Variants in TIAM2 observed in about 807,000 individuals in gnomAD.
The protein encoded by TIAM2 is TIAM Rac1 associated GEF 2.
Under a neutral mutation model 152.9 loss-of-function variants are expected in TIAM2, and 80 were observed. That is an observed-to-expected ratio of 0.52 (90% CI 0.44 to 0.63). The LOEUF is 0.63. Among genes scored for constraint, TIAM2 ranks in the 30% least tolerant of loss-of-function variants. The probability of loss-of-function intolerance (pLI) is 0.00; values close to 1 mark genes in which losing one functional copy is unlikely to be tolerated. For synonymous variants in TIAM2, 804 were observed against 838.0 expected (o/e 0.96, Z 0.70); for missense variants, 1,965 against 2,120.1 (o/e 0.93, Z 1.44).
chr6:155,125,769 C>T (rs902942124), intron 2 of TIAM2, among the ~76,000 whole-genome samples: 1 of 151,420 alleles, frequency 6.6e-6, no homozygotes, highest in Non-Finnish European at 1.5e-5. Flanking sequence ...ACCTGGGAGG[C>T]GGAGGTTGCA....
At chr6:155,081,844 C>G (rs561063047) in intron 1 of TIAM2, among the ~76,000 whole-genome samples, 61 of 152,294 alleles carry the variant, frequency 4.0e-4, no homozygotes, top group African/African-American at 1.3e-3. Context: ...GCACTTGAAT[C>G]CCTCTTGTAG....
chr6:155,112,469 T>C (rs926607181), intron 2 of TIAM2, among the ~76,000 whole-genome samples: 1 of 152,070 alleles, frequency 6.6e-6, no homozygotes, highest in Non-Finnish European at 1.5e-5. Context: ...GCCCCTTCTG[T>C]CTCCATTATG....
intron 4 of TIAM2, among the ~76,000 whole-genome samples, chr6:155,136,464 G>A (rs974550954): frequency 2.6e-5 from 4 of 151,736 alleles, no homozygotes; most frequent in Non-Finnish European, 4.4e-5. Context: ...TAGTAGAGAC[G>A]GGTTTCACCA....
At chr6:155,106,430 A>C (rs1778691666) in intron 2 of TIAM2, among the ~76,000 whole-genome samples, 1 of 152,236 alleles carries the variant, frequency 6.6e-6, no homozygotes, top group African/African-American at 2.4e-5. Flanking sequence ...TTTAATAAAA[A>C]AGCACCACGT....
chr6:155,087,703 C>T (rs771000081), intron 1 of TIAM2, among the ~76,000 whole-genome samples: 10 of 151,930 alleles, frequency 6.6e-5, no homozygotes, highest in Admixed American at 4.6e-4. Flanking sequence ...GAGCTGAGAT[C>T]GCGCCATTAC....
chr6:155,008,259 T>G (rs1778430929), intron 1 of TIAM2, among the ~76,000 whole-genome samples: 1 of 152,252 alleles, frequency 6.6e-6, no homozygotes, highest in Non-Finnish European at 1.5e-5. Context: ...TTTGGCATTC[T>G]TAAAATTTGC....
intron 5 of TIAM2, among the ~76,000 whole-genome samples, chr6:155,140,571 TGTGAGAGA>T (rs1353003568): frequency 7.2e-5 from 8 of 110,724 alleles, no homozygotes; most frequent in African/African-American, 3.3e-4. Flanking sequence ...TGTGTGTGTG[TGTGAGAGA>T]GAGAGAGAGA....
chr6:155,251,722 G>C, intron 22 of TIAM2, among the ~76,000 whole-genome samples: 1 of 152,214 alleles, frequency 6.6e-6, no homozygotes, highest in Non-Finnish European at 1.5e-5. Flanking sequence ...GTTTAAAAAA[G>C]CCAAGATCAA....
Position 155,049,953 on chromosome 6 carries a change from G to A in TIAM2, c.-208-40336G>A, listed in dbSNP as rs1777282340. Reference sequence around the variant, plus strand: ...GGCAGTAGGACTTTTGCAGCTCACCGCTTACCTTCTCTCTGAAAGTTGAGA... The same window carrying A: ...GGCAGTAGGACTTTTGCAGCTCACCACTTACCTTCTCTCTGAAAGTTGAGA... On this transcript the variant is annotated intron_variant, in intron 1 of 26. Transcript: ENST00000682666. Among the ~76,000 whole-genome samples, 3 of 152,224 alleles carry A rather than the reference G, an allele frequency of 2.0e-5. No homozygotes were observed. In the South Asian group the frequency reaches 6.2e-4, roughly 32 times the overall value.
chr6:155,127,230 C>T (rs761686469), intron 2 of TIAM2, among the ~76,000 whole-genome samples: 5 of 152,118 alleles, frequency 3.3e-5, no homozygotes, highest in Non-Finnish European at 5.9e-5. Context: ...CTCACTGGAG[C>T]GGTCTCCCCT....
intron 2 of TIAM2, among the ~76,000 whole-genome samples, chr6:155,106,151 T>C (rs2114999946): frequency 6.6e-6 from 1 of 151,928 alleles, no homozygotes; most frequent in East Asian, 1.9e-4. Flanking sequence ...ATTACAGGCG[T>C]GTATCACCAC....
intron 2 of TIAM2, among the ~76,000 whole-genome samples, chr6:155,102,602 TTC>T (rs1371634863): frequency 6.6e-6 from 1 of 152,194 alleles, no homozygotes; most frequent in African/African-American, 2.4e-5. Flanking sequence ...TCTCCAGCTC[TTC>T]TCTGGATAGG....
In TIAM2 at chr6:155,159,082, A is replaced by G. The variant is rs137915388; in HGVS notation, c.2029-5333A>G. Among the ~76,000 whole-genome samples the G allele has an allele frequency of 9.2e-5, 14 of 152,270 alleles. 1 individual carries two copies. The highest frequency in any genetic ancestry group is 3.9e-4 in the East Asian group (2 of 5,190). On this transcript the variant is annotated intron_variant, in intron 7 of 26. Coordinates refer to ENST00000682666, the MANE Select transcript of TIAM2 (RefSeq NM_012454.4). ...CTTTTTTTCCTTTACCCTTTAAAAT[A>G]TGTATCTTTGTCTTTCTTTTATGTC...
chr6:155,156,384 G>A lies in TIAM2; in HGVS notation c.2029-8031G>A, dbSNP rs1163248227. Among the ~76,000 whole-genome samples the A allele has an allele frequency of 2.6e-5, 4 of 152,194 alleles. No individual in the cohort carries two copies. Among genetic ancestry groups the A allele is most frequent in the African/African-American group, 9.7e-5 (4 of 41,442 alleles). On this transcript the variant is annotated intron_variant, in intron 7 of 26. Coordinates refer to ENST00000682666, the MANE Select transcript of TIAM2 (RefSeq NM_012454.4). The surrounding 1 kb of genome is among the most constrained non-coding windows in gnomAD (Gnocchi z 4.4). The stretch of plus-strand genomic sequence containing the variant: ...GAAAAGCACATCTGGGTCAGGTGCA[G>A]TGGCTCATGCCTGTAATCCCAGCAT...
intron 26 of TIAM2, 49 bp from the exon 27 acceptor site, chr6:155,256,435 T>C (rs577210255): frequency 5.0e-6 from 8 of 1,611,968 alleles, no homozygotes; most frequent in Non-Finnish European, 6.8e-6. Flanking sequence ...CATTACACAT[T>C]GTGTAACCTG....
chr6:155,061,959 T>C (rs6908016), intron 1 of TIAM2, among the ~76,000 whole-genome samples: 68,435 of 152,098 alleles, frequency 0.45, 15,708 homozygotes, highest in African/African-American at 0.53. Context: ...AAAATTCCTT[T>C]GTGTAGTTCC....
Position 155,165,327 on chromosome 6 carries a change from A to G in TIAM2, c.2279A>G (p.Asn760Ser), listed in dbSNP as rs868042888. ...RTLSLTQRGR[N>S]KKGIFSSLKG... ...CTGTCACTGACCCAGCGAGGGAGAA[A>G]CAAGAAGGGAATATTTTCTTCGTTA... The change falls in exon 9 of 27, where the codon AAC (asparagine) becomes AGC (serine). Residue 760 changes from asparagine to serine, a missense_variant. Around this residue, in one of 3 missense-constraint regions of TIAM2, gnomAD observed 1,025 missense variants for 1,119.4 expected, o/e 0.92. Transcript: ENST00000682666. 1 of 1,614,170 alleles carries G rather than the reference A, an allele frequency of 6.2e-7. No homozygotes were observed. The highest frequency in any genetic ancestry group is 8.5e-7 in the Non-Finnish European group (1 of 1,180,022).
At chr6:155,253,714 C>T (rs1327970760) in intron 24 of TIAM2, 1 of 375,042 alleles carries the variant, frequency 2.7e-6, no homozygotes, top group African/African-American at 2.1e-5. Context: ...CTCCTCTTCC[C>T]CAGAGAGGGG....
At chr6:155,231,526 C>G (rs145429028) in intron 15 of TIAM2, among the ~76,000 whole-genome samples, 1 of 152,222 alleles carries the variant, frequency 6.6e-6, no homozygotes, top group Non-Finnish European at 1.5e-5. Flanking sequence ...CACACCCTGC[C>G]AAGGGGCTGA....
Sources: gnomAD v4.1 joint callset for allele counts (sites outside exome capture counted in the v4.1 genomes callset) on GRCh38, gnomAD v4.1.1 for gene constraint, gnomAD v4.1.1 regional missense constraint, Gnocchi (gnomAD v3.1) non-coding constraint, MANE v1.5 for transcripts, NCBI Gene and HGNC (gene_info 2026-07-23, HGNC 2026-07-21) for gene names.